The following NFIB variants were observed in gnomAD, a reference collection of about 807,000 sequenced individuals.
The protein encoded by NFIB is nuclear factor 1 B-type.
A neutral mutation model predicts 61.5 loss-of-function variants in NFIB; 11 were observed. That is an observed-to-expected ratio of 0.18 (90% confidence interval 0.11 to 0.30). NFIB has a LOEUF of 0.30. Ranked by LOEUF, NFIB falls within the 10% of genes least tolerant of loss-of-function variation. The probability of loss-of-function intolerance (pLI) is 1.00; values close to 1 mark genes in which losing one functional copy is unlikely to be tolerated. For missense variants in NFIB, 471 were observed against 608.9 expected, an observed-to-expected ratio of 0.77 and a Z score of 2.38; for synonymous variants, 260 against 216.5, an observed-to-expected ratio of 1.20 and a Z score of -1.76.
intron 10 of NFIB, among the ~76,000 whole-genome samples, chr9:14,097,348 G>C (rs931595432): frequency 1.3e-5 from 2 of 152,050 alleles, no homozygotes; most frequent in Non-Finnish European, 2.9e-5. Flanking sequence ...TGTATAAAAA[G>C]TTGAGGATTT....
chr9:14,499,812 C>T, the NFIB span, among the ~76,000 whole-genome samples: 1 of 152,112 alleles, frequency 6.6e-6, no homozygotes, highest in Non-Finnish European at 1.5e-5. Flanking sequence ...AGGAAAGAGA[C>T]TACTTAATCA....
At chr9:14,370,836 T>A (rs1285901475) in intron 1 of NFIB, among the ~76,000 whole-genome samples, 1 of 152,256 alleles carries the variant, frequency 6.6e-6, no homozygotes, top group East Asian at 1.9e-4. Flanking sequence ...GGCTCATGCC[T>A]GTAATTCCAG....
chr9:14,474,708 GA>G, the NFIB span, among the ~76,000 whole-genome samples: 1 of 152,142 alleles, frequency 6.6e-6, no homozygotes, highest in Non-Finnish European at 1.5e-5. Context: ...TACAGTGGGG[GA>G]CAGGCATAGG....
intron 2 of NFIB, among the ~76,000 whole-genome samples, chr9:14,256,052 G>C (rs1438675630): frequency 1.3e-5 from 2 of 152,182 alleles, no homozygotes; most frequent in African/African-American, 4.8e-5. Flanking sequence ...AGCTACCAAT[G>C]GTGCCTGCCC....
At chr9:14,093,824 T>C (rs757322986) in intron 10 of NFIB, among the ~76,000 whole-genome samples, 2 of 152,052 alleles carry the variant, frequency 1.3e-5, no homozygotes, top group African/African-American at 2.4e-5. Context: ...AGATTACGTC[T>C]TGTGAAAAAA....
the NFIB span, among the ~76,000 whole-genome samples, chr9:14,437,553 G>A: frequency 1.8e-3 from 277 of 152,304 alleles, 1 homozygote; most frequent in African/African-American, 6.1e-3. Context: ...ATTGTTCCAC[G>A]TGAGAGAGCC....
At chr9:14,229,929 G>A (rs112380531) in intron 2 of NFIB, among the ~76,000 whole-genome samples, 1 of 152,160 alleles carries the variant, frequency 6.6e-6, no homozygotes, top group African/African-American at 2.4e-5. Flanking sequence ...AGCCTCCCGA[G>A]TAGTGGAATT....
At chr9:14,230,637 G>C (rs1181162459) in intron 2 of NFIB, among the ~76,000 whole-genome samples, 1 of 152,176 alleles carries the variant, frequency 6.6e-6, no homozygotes, top group African/African-American at 2.4e-5. Flanking sequence ...TAGACTTAAA[G>C]GGTGAATAAA....
chr9:14,379,871 C>T (rs1461883558), intron 1 of NFIB, among the ~76,000 whole-genome samples: 12 of 151,844 alleles, frequency 7.9e-5, no homozygotes, highest in African/African-American at 1.7e-4. Flanking sequence ...TTAGTAGAGA[C>T]GGGGTTTCAC....
At chr9:14,191,254 G>A (rs1244164773) in intron 2 of NFIB, among the ~76,000 whole-genome samples, 2 of 152,144 alleles carry the variant, frequency 1.3e-5, no homozygotes, top group East Asian at 3.9e-4. Flanking sequence ...TCTGAGCCCT[G>A]GAGGTTGAGG....
chr9:14,491,111 C>T, the NFIB span, among the ~76,000 whole-genome samples: 19 of 152,194 alleles, frequency 1.2e-4, no homozygotes, highest in South Asian at 1.7e-3. Flanking sequence ...CACTTACCAA[C>T]GATATAATTT....
the NFIB span, among the ~76,000 whole-genome samples, chr9:14,524,232 C>A: frequency 6.6e-6 from 1 of 152,110 alleles, no homozygotes; most frequent in East Asian, 1.9e-4. Flanking sequence ...GAAGGTAAAT[C>A]TTATATTCAC....
chr9:14,183,460 GT>G (rs2047023455), intron 2 of NFIB, among the ~76,000 whole-genome samples: 1 of 151,136 alleles, frequency 6.6e-6, no homozygotes, highest in African/African-American at 2.4e-5. Flanking sequence ...CTAGAGTGCA[GT>G]AGCACTATCA....
the NFIB span, among the ~76,000 whole-genome samples, chr9:14,517,868 ATCT>A: frequency 6.6e-6 from 1 of 152,072 alleles, no homozygotes; most frequent in Non-Finnish European, 1.5e-5. Context: ...GCAGGAATTA[ATCT>A]TCTGCTCTCT....
intron 2 of NFIB, among the ~76,000 whole-genome samples, chr9:14,289,081 CGTGTGT>C (rs58218572): frequency 1.4e-5 from 2 of 142,404 alleles, no homozygotes; most frequent in South Asian, 2.2e-4. Flanking sequence ...TTTTCCAAAG[CGTGTGT>C]GTGTGTGTGT....
chr9:14,121,437 C>T (rs1328297836), intron 7 of NFIB, among the ~76,000 whole-genome samples: 1 of 152,146 alleles, frequency 6.6e-6, no homozygotes, highest in East Asian at 1.9e-4. Context: ...TCAAATAAAA[C>T]GTTTCCCTGT....
At chr9:14,524,475 A>T in the NFIB span, among the ~76,000 whole-genome samples, 1 of 152,332 alleles carries the variant, frequency 6.6e-6, no homozygotes, top group Middle Eastern at 3.4e-3. Context: ...TGTGAGTTAA[A>T]ATAATAATTT....
the NFIB span, among the ~76,000 whole-genome samples, chr9:14,481,721 A>T: frequency 6.6e-6 from 1 of 152,192 alleles, no homozygotes. Flanking sequence ...TACTACCTGG[A>T]AAGTTAAACC....
At chr9:14,202,128 TCACACACACACACACACA>T (rs3080833) in intron 2 of NFIB, among the ~76,000 whole-genome samples, 1 of 147,078 alleles carries the variant, frequency 6.8e-6, no homozygotes, top group Admixed American at 6.8e-5. Context: ...TTGATACTTT[TCACACACACACACACACA>T]CACACACACA....
Sources: allele counts gnomAD v4.1 joint callset (sites outside exome capture counted in the v4.1 genomes callset), GRCh38; gene constraint gnomAD v4.1.1; transcripts MANE v1.5; gene names NCBI Gene and HGNC (gene_info 2026-07-23, HGNC 2026-07-21).